Variants in NFIA observed in about 807,000 individuals in gnomAD.
NFIA encodes nuclear factor 1 A-type.
NFIA carries 8 observed loss-of-function variants against 62.8 expected under a neutral mutation model. That is an observed-to-expected ratio of 0.13 (90% confidence interval 0.07 to 0.23). The LOEUF (loss-of-function observed/expected upper bound fraction) is 0.23. NFIA is among the 10% of genes least tolerant of loss of function. The pLI, the probability that NFIA is intolerant of heterozygous loss-of-function variation, is 1.00. For missense variants in NFIA, 410 were observed against 642.1 expected, an observed-to-expected ratio of 0.64 and a Z score of 3.91; for synonymous variants, 235 against 238.1, an observed-to-expected ratio of 0.99 and a Z score of 0.12.
At chr1:61,095,482 A>G (rs1337725692) in intron 2 of NFIA, among the ~76,000 whole-genome samples, 1 of 152,144 alleles carries the variant, frequency 6.6e-6, no homozygotes, top group Non-Finnish European at 1.5e-5. Context: ...CCTTCTTTAT[A>G]TCTTATTGTT....
intron 7 of NFIA, 122 bp downstream of exon 7, chr1:61,383,487 C>G: frequency 1.6e-6 from 2 of 1,270,170 alleles, no homozygotes; most frequent in Non-Finnish European, 2.1e-6. Context: ...GTTCCAATTT[C>G]TTACCCTTGG....
At chr1:61,256,525 A>G (rs958370759) in intron 2 of NFIA, among the ~76,000 whole-genome samples, 15 of 151,636 alleles carry the variant, frequency 9.9e-5, no homozygotes, top group African/African-American at 3.6e-4. Flanking sequence ...CCTGGGCTGC[A>G]TGTGGCCCCT....
At chr1:61,132,431 T>G (rs2100491640) in intron 2 of NFIA, among the ~76,000 whole-genome samples, 1 of 152,334 alleles carries the variant, frequency 6.6e-6, no homozygotes, top group South Asian at 2.1e-4. Flanking sequence ...TACCGCCATG[T>G]CAGGTTCACT....
intron 2 of NFIA, among the ~76,000 whole-genome samples, chr1:61,266,403 G>A (rs981870556): frequency 6.6e-6 from 1 of 150,426 alleles, no homozygotes; most frequent in Non-Finnish European, 1.5e-5. Context: ...TTTTTGAGAC[G>A]GAGTTTCACT....
intron 2 of NFIA, among the ~76,000 whole-genome samples, chr1:61,147,071 G>T (rs776195709): frequency 1.3e-5 from 2 of 151,970 alleles, no homozygotes; most frequent in Non-Finnish European, 2.9e-5. Flanking sequence ...TTCCCACTGT[G>T]TTGCTGTTAA....
intron 3 of NFIA, among the ~76,000 whole-genome samples, chr1:61,289,811 C>G (rs1352520785): frequency 6.6e-6 from 1 of 152,102 alleles, no homozygotes; most frequent in Non-Finnish European, 1.5e-5. Context: ...TTCAGGCACC[C>G]ACAGGCTTAA....
chr1:61,308,035 A>G (rs917720690), intron 3 of NFIA, among the ~76,000 whole-genome samples: 1 of 152,236 alleles, frequency 6.6e-6, no homozygotes, highest in South Asian at 2.1e-4. Flanking sequence ...ATTTCGTGGT[A>G]ATGAATTTAC....
At chr1:61,395,285 TG>T (rs1432373646) in intron 7 of NFIA, among the ~76,000 whole-genome samples, 4 of 112,168 alleles carry the variant, frequency 3.6e-5, no homozygotes, top group East Asian at 4.1e-4. Flanking sequence ...TGTGTGTGTG[TG>T]TGTTTTTTTT....
In NFIA at chr1:61,368,288, C is replaced by G. The variant is rs191709307; in HGVS notation, c.946+9014C>G. On this transcript the variant is annotated intron_variant, in intron 6 of 10. Coordinates refer to ENST00000403491, the MANE Select transcript of NFIA (RefSeq NM_001134673.4). ...CTGTCACCATCCTCAGTACAGCCCCCGTGGCTCAGGTGGCCAACTCATGGT... is the reference window on the plus strand; with the variant it reads ...CTGTCACCATCCTCAGTACAGCCCCGGTGGCTCAGGTGGCCAACTCATGGT... 3.2e-4 allele frequency among the ~76,000 whole-genome samples: 48 copies of G among 152,268 alleles called. 1 individual carries two copies. In the East Asian group the frequency reaches 7.1e-3, roughly 23 times the overall value.
intron 2 of NFIA, among the ~76,000 whole-genome samples, chr1:61,155,541 T>C (rs1052088117): frequency 9.9e-5 from 15 of 151,248 alleles, no homozygotes; most frequent in Non-Finnish European, 7.4e-5. Context: ...GGCGCGGTGG[T>C]GGGTGCCTGT....
rs768360230 is a variant in NFIA at position 61,352,405 on chromosome 1, T to TA, written c.701-44dup. ...CTGAGGATGCTGTCATTGATTTTTT[T>TA]ATCCACAGAATTTAACTGATTTTTG... On this transcript the variant is annotated intron_variant, in intron 4 of 10. Transcript: ENST00000403491. 61 of 1,369,116 alleles carry TA rather than the reference T, an allele frequency of 4.5e-5. No homozygotes were observed. The African/African-American group carries it at 8.3e-4, about 19-fold the overall frequency. 84.8% of individuals were successfully genotyped at this position (1,369,116 alleles called of 1,614,324 possible).
At chr1:61,384,460 A>G (rs900255388) in intron 7 of NFIA, among the ~76,000 whole-genome samples, 2 of 152,166 alleles carry the variant, frequency 1.3e-5, no homozygotes, top group Admixed American at 1.3e-4. Context: ...TCTTGTGATC[A>G]TTGGTAGAAC....
rs537719232 is a variant in NFIA at position 61,146,602 on chromosome 1, C to T, written c.559+57922C>T. ...CCTCCAAGGAGCCTTCCTGAATTTT[C>T]CTGGGCTTGTATAGTACTCTGTGTT... On this transcript the variant is annotated intron_variant, in intron 2 of 10. Transcript: ENST00000403491. Among the ~76,000 whole-genome samples, 5 of 152,304 alleles carry T rather than the reference C, an allele frequency of 3.3e-5. No individual in the cohort carries two copies. The East Asian group carries it at 9.7e-4, about 29-fold the overall frequency.
chr1:61,249,289 A>ATT (rs1412193259), intron 2 of NFIA, among the ~76,000 whole-genome samples: 1 of 152,216 alleles, frequency 6.6e-6, no homozygotes, highest in Non-Finnish European at 1.5e-5. Context: ...GTAAACATTG[A>ATT]TTTTTTTCAG....
At chr1:61,270,927 A>G (rs1657466084) in intron 2 of NFIA, among the ~76,000 whole-genome samples, 1 of 152,238 alleles carries the variant, frequency 6.6e-6, no homozygotes, top group Non-Finnish European at 1.5e-5. Flanking sequence ...TAGTTTAGTC[A>G]AAGCGTCTTC....
Position 61,285,843 on chromosome 1 carries a change from G to A in NFIA, c.625+8258G>A, listed in dbSNP as rs183493100. The stretch of plus-strand genomic sequence containing the variant: ...ATGTAAGGATATTGTGGCAAGGCTC[G>A]GCAAAATAGGAATAGCTTTTCAACA... On this transcript the variant is annotated intron_variant, in intron 3 of 10. Transcript: ENST00000403491. Among the ~76,000 whole-genome samples, 237 of 152,236 alleles carry A rather than the reference G, an allele frequency of 1.6e-3. 1 individual carries two copies. The highest frequency in any genetic ancestry group is 2.6e-3 in the Non-Finnish European group (179 of 68,022).
At position 61,088,607 on chromosome 1, in the gene NFIA, T is replaced by C. The variant is rs760931904; in HGVS notation, c.486T>C (p.Cys162=). 12 of 1,614,070 alleles carry C rather than the reference T, an allele frequency of 7.4e-6. 1 individual carries two copies. In the South Asian group the frequency reaches 9.9e-5, roughly 13 times the overall value. The change falls in exon 2 of 11, where the codon TGT becomes TGC. Residue 162 remains cysteine (C), a synonymous_variant. Coordinates refer to ENST00000403491, the MANE Select transcript of NFIA (RefSeq NM_001134673.4). The surrounding 1 kb of genome is among the most constrained non-coding windows in gnomAD (Gnocchi z 4.5). ...CACAATGCTCTAATCCAGGGCTCTG[T>C]GTCCAACCCCATCACATAGGGGTTT... The part of the protein sequence containing the change: ...KSPQCSNPGL[C]VQPHHIGVSV...
upstream of NFIA, among the ~76,000 whole-genome samples, chr1:61,080,015 C>G (rs550162831): frequency 1.1e-4 from 17 of 152,236 alleles, no homozygotes; most frequent in African/African-American, 3.6e-4. Flanking sequence ...CCGCCTCCCC[C>G]CCTCCCTCCG....
intron 2 of NFIA, among the ~76,000 whole-genome samples, chr1:61,158,943 G>A (rs1056020002): frequency 1.3e-5 from 2 of 152,146 alleles, no homozygotes; most frequent in African/African-American, 4.8e-5. Context: ...AAGAAATGGT[G>A]TACTTTCTGG....
Sources: gnomAD v4.1 joint callset for allele counts (sites outside exome capture counted in the v4.1 genomes callset) on GRCh38, gnomAD v4.1.1 for gene constraint, Gnocchi (gnomAD v3.1) non-coding constraint, MANE v1.5 for transcripts, NCBI Gene and HGNC (gene_info 2026-07-23, HGNC 2026-07-21) for gene names.